PTPRT: variants seen among roughly 807,000 people sequenced by gnomAD.
PTPRT encodes the protein receptor-type tyrosine-protein phosphatase T.
A neutral mutation model predicts 176.8 loss-of-function variants in PTPRT; 56 were observed. That is an observed-to-expected ratio of 0.32 (90% CI 0.26 to 0.40). The LOEUF (loss-of-function observed/expected upper bound fraction) is 0.40, where lower values mean the gene tolerates loss of function less well. PTPRT is among the 10% of genes least tolerant of loss of function. PTPRT has a pLI of 1.00. For synonymous variants in PTPRT, 783 were observed against 739.0 expected (o/e 1.06, Z -0.96); for missense variants, 1,540 against 1,908.2 (o/e 0.81, Z 3.60).
Position 42,079,837 on chromosome 20 carries a change from C to T in PTPRT, c.*1042G>A, listed in dbSNP as rs1983138312. 1 of 230,956 alleles carries T rather than the reference C, an allele frequency of 4.3e-6. No individual in the cohort carries two copies. The highest frequency in any genetic ancestry group is 6.1e-5 in the East Asian group (1 of 16,332). The allele number at this position is 230,956 out of a possible 1,614,324, so 14.3% of individuals were successfully genotyped here. On this transcript the variant is annotated 3_prime_UTR_variant, in exon 31 of 31. Coordinates refer to ENST00000373187, the MANE Select transcript of PTPRT (RefSeq NM_007050.6). ...CTCTCCTTGCTCAGTGGCATGCTGT[C>T]CCAGGGTGGGAGCTTTTAAGGACAT...
intron 9 of PTPRT, among the ~76,000 whole-genome samples, chr20:42,363,273 TATATATATATA>T (rs2058458001): frequency 1.3e-4 from 2 of 15,866 alleles, no homozygotes; most frequent in Non-Finnish European, 2.4e-4. Flanking sequence ...ATTACAATTA[TATATATATATA>T]TATATATATA....
At chr20:43,108,548 C>T (rs2012714681) in intron 1 of PTPRT, among the ~76,000 whole-genome samples, 2 of 152,110 alleles carry the variant, frequency 1.3e-5, no homozygotes, top group Admixed American at 1.3e-4. Flanking sequence ...AGAACTGAAA[C>T]ATGTGACTCG....
At chr20:42,668,595 A>G (rs1367738378) in intron 7 of PTPRT, among the ~76,000 whole-genome samples, 1 of 152,114 alleles carries the variant, frequency 6.6e-6, no homozygotes, top group Non-Finnish European at 1.5e-5. Flanking sequence ...AATGGTGCCA[A>G]CAGTAGACAT....
intron 2 of PTPRT, among the ~76,000 whole-genome samples, chr20:42,797,659 T>A (rs1016614028): frequency 6.6e-6 from 1 of 152,072 alleles, no homozygotes; most frequent in Non-Finnish European, 1.5e-5. Context: ...GCAAGAGAAT[T>A]AAGGTTCAGA....
At chr20:42,657,327 T>G (rs1600560191) in intron 7 of PTPRT, among the ~76,000 whole-genome samples, 1 of 152,200 alleles carries the variant, frequency 6.6e-6, no homozygotes, top group Non-Finnish European at 1.5e-5. Context: ...GGGGACCCTT[T>G]GGAGCACCTC....
chr20:43,049,215 G>A (rs1382984597), intron 1 of PTPRT, among the ~76,000 whole-genome samples: 2 of 152,128 alleles, frequency 1.3e-5, no homozygotes, highest in South Asian at 2.1e-4. Context: ...TCAAACAGTC[G>A]CAGCATTCTG....
At chr20:42,045,932 T>C in the PTPRT span, among the ~76,000 whole-genome samples, 16 of 152,368 alleles carry the variant, frequency 1.1e-4, no homozygotes, top group African/African-American at 3.8e-4. Context: ...CAGTCTATTT[T>C]AGCAATACAC....
intron 7 of PTPRT, among the ~76,000 whole-genome samples, chr20:42,576,071 G>A (rs2073254511): frequency 6.6e-6 from 1 of 152,156 alleles, no homozygotes; most frequent in Non-Finnish European, 1.5e-5. Flanking sequence ...TAGGAAATCA[G>A]CTCTTGTTTA....
At chr20:42,333,466 G>T (rs995094575) in intron 11 of PTPRT, among the ~76,000 whole-genome samples, 2 of 151,928 alleles carry the variant, frequency 1.3e-5, no homozygotes, top group Non-Finnish European at 2.9e-5. Flanking sequence ...CGAGTAGCTG[G>T]GACTACAGGC....
At position 42,105,140 on chromosome 20, in the gene PTPRT, T is replaced by C. The variant is rs955779088; in HGVS notation, c.3391-422A>G. Among the ~76,000 whole-genome samples, 11 of 152,188 alleles carry C rather than the reference T, an allele frequency of 7.2e-5. 1 individual carries two copies. Among genetic ancestry groups the C allele is most frequent in the Non-Finnish European group, 1.5e-4 (10 of 68,028 alleles). ...GCAATGACAGATGGAGAGTTGAGGA[T>C]AGAAATCTAAGAAATCTCTCCCTTT... is the stretch of plus-strand genomic sequence containing the variant. On this transcript the variant is annotated intron_variant, in intron 24 of 30. Transcript: ENST00000373187.
intron 7 of PTPRT, among the ~76,000 whole-genome samples, chr20:42,520,819 A>G (rs1601182560): frequency 1.4e-5 from 2 of 145,888 alleles, no homozygotes; most frequent in South Asian, 2.2e-4. Context: ...ATATATATAT[A>G]TATGTATGTA....
chr20:42,551,170 G>A (rs1182416716), intron 7 of PTPRT, among the ~76,000 whole-genome samples: 1 of 152,100 alleles, frequency 6.6e-6, no homozygotes, highest in East Asian at 1.9e-4. Context: ...TTTATATAAG[G>A]GGTATGTTTT....
At chr20:43,088,378 G>A (rs1445710198) in intron 1 of PTPRT, among the ~76,000 whole-genome samples, 1 of 135,346 alleles carries the variant, frequency 7.4e-6, no homozygotes, top group Non-Finnish European at 1.6e-5. Flanking sequence ...GTGTGTGTGT[G>A]TTGAAAACTG....
At chr20:43,126,635 G>A (rs2013449098) in intron 1 of PTPRT, among the ~76,000 whole-genome samples, 1 of 152,174 alleles carries the variant, frequency 6.6e-6, no homozygotes, top group Non-Finnish European at 1.5e-5. Flanking sequence ...ACAAAAAGAT[G>A]TTACAAAGGT....
At chr20:42,419,523 GT>G (rs2059096856) in intron 9 of PTPRT, among the ~76,000 whole-genome samples, 1 of 152,100 alleles carries the variant, frequency 6.6e-6, no homozygotes, top group Non-Finnish European at 1.5e-5. Flanking sequence ...CCAGGCAATA[GT>G]ACTTTCTGGC....
chr20:43,176,133 A>C (rs113109487), intron 1 of PTPRT, among the ~76,000 whole-genome samples: 6 of 1,414 alleles, frequency 4.2e-3, no homozygotes. Flanking sequence ...GGCAACAGAG[A>C]GAGACCCTGG....
the PTPRT span, among the ~76,000 whole-genome samples, chr20:42,043,995 C>T: frequency 4.6e-5 from 7 of 152,318 alleles, no homozygotes; most frequent in East Asian, 1.2e-3. Context: ...TGTAATCTCA[C>T]TCCTCCTTCA....
intron 7 of PTPRT, among the ~76,000 whole-genome samples, chr20:42,606,227 C>G (rs1045434753): frequency 6.7e-6 from 1 of 148,360 alleles, no homozygotes; most frequent in South Asian, 2.2e-4. Flanking sequence ...ATAAATAGAA[C>G]TGACCTTCTG....
At chr20:42,894,752 C>T (rs2079263585) in intron 1 of PTPRT, among the ~76,000 whole-genome samples, 1 of 152,206 alleles carries the variant, frequency 6.6e-6, no homozygotes, top group Non-Finnish European at 1.5e-5. Flanking sequence ...ATGCCTTCTG[C>T]CCCCATTCAC....
Sources: allele counts gnomAD v4.1 joint callset (sites outside exome capture counted in the v4.1 genomes callset), GRCh38; gene constraint gnomAD v4.1.1; transcripts MANE v1.5; gene names NCBI Gene and HGNC (gene_info 2026-07-23, HGNC 2026-07-21).